Variants in MAPK10 observed in about 807,000 individuals in gnomAD.
MAPK10 encodes JNK3 alpha protein kinase.
Under a neutral mutation model 59.3 loss-of-function variants are expected in MAPK10, and 25 were observed. That is an observed-to-expected ratio of 0.42 (90% CI 0.31 to 0.59). MAPK10 has a LOEUF of 0.59. MAPK10 is among the 20% of genes least tolerant of loss of function. MAPK10 has a pLI of 0.15. For synonymous variants in MAPK10, 190 were observed against 200.5 expected, an observed-to-expected ratio of 0.95 and a Z score of 0.44; for missense variants, 351 against 568.9, an observed-to-expected ratio of 0.62 and a Z score of 3.90.
chr4:86,052,540 A>G (rs1480799584), intron 11 of MAPK10, among the ~76,000 whole-genome samples: 1 of 151,218 alleles, frequency 6.6e-6, no homozygotes, highest in Non-Finnish European at 1.5e-5. Context: ...CTTAGGGGTC[A>G]TAGGAAAGCT....
At chr4:86,035,124 A>T (rs1418199478) in intron 11 of MAPK10, among the ~76,000 whole-genome samples, 1 of 151,966 alleles carries the variant, frequency 6.6e-6, no homozygotes, top group African/African-American at 2.4e-5. Context: ...TAATCCCAGA[A>T]CTCTGGGAGG....
upstream of MAPK10, among the ~76,000 whole-genome samples, chr4:86,360,461 T>C (rs1478203960): frequency 6.6e-6 from 1 of 152,184 alleles, no homozygotes; most frequent in Admixed American, 6.6e-5. Flanking sequence ...TAAGAGATGG[T>C]AATAACCTCA....
chr4:86,569,909 C>T lies in MAPK10; in HGVS notation c.-263+24001G>A, dbSNP rs145130675. On this transcript the variant is annotated intron_variant, in intron 1 of 4. Coordinates refer to the MAPK10 transcript ENST00000502302. ...AAGCCCAGATTTCCCCACTACACAACATATCCATGTAACACAACTGTACTT... is the reference window on the plus strand; with the variant it reads ...AAGCCCAGATTTCCCCACTACACAATATATCCATGTAACACAACTGTACTT... Among the ~76,000 whole-genome samples, 900 of 152,160 alleles carry T rather than the reference C, an allele frequency of 5.9e-3. 7 individuals are homozygous for T. Among genetic ancestry groups the T allele is most frequent in the African/African-American group, 0.019 (805 of 41,522 alleles).
chr4:86,347,452 C>G (rs905611158), intron 2 of MAPK10, among the ~76,000 whole-genome samples: 5 of 152,142 alleles, frequency 3.3e-5, no homozygotes, highest in Non-Finnish European at 5.9e-5. Context: ...TACTTGGGAA[C>G]TCTCAAACAG....
At chr4:86,089,899 T>C (rs1184837128) in intron 9 of MAPK10, among the ~76,000 whole-genome samples, 1 of 152,158 alleles carries the variant, frequency 6.6e-6, no homozygotes, top group Non-Finnish European at 1.5e-5. Flanking sequence ...CACAGTTGCC[T>C]TATAATGATA....
At chr4:86,565,787 T>C (rs1201169269) in intron 1 of MAPK10, among the ~76,000 whole-genome samples, 2 of 152,190 alleles carry the variant, frequency 1.3e-5, no homozygotes, top group Admixed American at 6.6e-5. Context: ...TGCAGTAAAC[T>C]ATCAAACTCC....
intron 2 of MAPK10, among the ~76,000 whole-genome samples, chr4:86,335,895 C>T (rs1264052324): frequency 6.6e-6 from 1 of 152,154 alleles, no homozygotes; most frequent in Non-Finnish European, 1.5e-5. Context: ...AATCACCTCC[C>T]TCCCTTGACA....
chr4:86,452,525 A>G (rs1483060107), intron 1 of MAPK10, among the ~76,000 whole-genome samples: 1 of 152,034 alleles, frequency 6.6e-6, no homozygotes, highest in Non-Finnish European at 1.5e-5. Context: ...GCGCACGCAC[A>G]CACACACACA....
intron 2 of MAPK10, chr4:86,277,314 C>T (rs942225111): frequency 6.6e-6 from 1 of 152,012 alleles, no homozygotes; most frequent in African/African-American, 2.4e-5. Flanking sequence ...CTCCTACTTC[C>T]CTATTACCCA....
At chr4:86,464,290 C>T (rs935720995) in intron 1 of MAPK10, among the ~76,000 whole-genome samples, 2 of 152,142 alleles carry the variant, frequency 1.3e-5, no homozygotes, top group African/African-American at 4.8e-5. Flanking sequence ...ACAGATGGGT[C>T]TAGTAATGGT....
chr4:86,221,615 T>C (rs866557642), intron 2 of MAPK10, among the ~76,000 whole-genome samples: 3 of 152,098 alleles, frequency 2.0e-5, no homozygotes, highest in African/African-American at 7.2e-5. Flanking sequence ...GCCTCCTTAG[T>C]GGCTGGGACT....
chr4:86,322,767 A>T (rs1204593928), intron 2 of MAPK10, among the ~76,000 whole-genome samples: 1 of 152,240 alleles, frequency 6.6e-6, no homozygotes, highest in East Asian at 1.9e-4. Flanking sequence ...TGGGGTTTTT[A>T]AAGCTAATAA....
Position 86,017,139 on chromosome 4 carries a change from G to A in MAPK10, c.*89C>T, listed in dbSNP as rs1937775003. The A allele has an allele frequency of 1.5e-6, 2 of 1,353,410 alleles. No homozygotes were observed. Among genetic ancestry groups the A allele is most frequent in the Non-Finnish European group, 2.0e-6 (2 of 977,828 alleles). 83.8% of individuals were successfully genotyped at this position (1,353,410 alleles called of 1,614,324 possible). ...GCTGTTTTCTTGATGTTGTGTGTCTGCATTTGTGTGTGTGTGTGTGTCTGC... is the reference window on the plus strand; with the variant it reads ...GCTGTTTTCTTGATGTTGTGTGTCTACATTTGTGTGTGTGTGTGTGTCTGC... On this transcript the variant is annotated 3_prime_UTR_variant, in exon 14 of 14. Transcript: ENST00000641462. The surrounding 1 kb of genome is among the most constrained non-coding windows in gnomAD (Gnocchi z 4.4).
At chr4:86,440,886 T>C (rs1306100360) in intron 1 of MAPK10, among the ~76,000 whole-genome samples, 9 of 152,182 alleles carry the variant, frequency 5.9e-5, no homozygotes, top group African/African-American at 2.2e-4. Context: ...AATATAATAA[T>C]TGATGTTTTT....
chr4:86,250,372 C>G (rs2093349180), intron 2 of MAPK10, among the ~76,000 whole-genome samples: 1 of 152,142 alleles, frequency 6.6e-6, no homozygotes, highest in Admixed American at 6.6e-5. Flanking sequence ...ACATCCCAGA[C>G]AGACTTACTC....
intron 2 of MAPK10, among the ~76,000 whole-genome samples, chr4:86,291,393 C>T (rs1216468205): frequency 6.6e-6 from 1 of 152,172 alleles, no homozygotes; most frequent in Non-Finnish European, 1.5e-5. Flanking sequence ...TGCTACACAT[C>T]ACATCAGCCT....
chr4:86,366,146 G>A (rs1025907595), intron 1 of MAPK10, among the ~76,000 whole-genome samples: 1 of 152,058 alleles, frequency 6.6e-6, no homozygotes, highest in Non-Finnish European at 1.5e-5. Context: ...ACAAAAAAGA[G>A]TATATACTAT....
intron 4 of MAPK10, among the ~76,000 whole-genome samples, chr4:86,158,715 T>C (rs907317928): frequency 4.6e-5 from 7 of 151,842 alleles, no homozygotes; most frequent in African/African-American, 1.7e-4. Context: ...CTTAGGTAAA[T>C]CAGATCTAGA....
intron 1 of MAPK10, among the ~76,000 whole-genome samples, chr4:86,395,126 C>A (rs1450936066): frequency 6.6e-6 from 1 of 152,050 alleles, no homozygotes; most frequent in Non-Finnish European, 1.5e-5. Flanking sequence ...TATTTGGGGC[C>A]AAAGGGTACT....
Sources: gnomAD v4.1 joint callset for allele counts (sites outside exome capture counted in the v4.1 genomes callset) on GRCh38, gnomAD v4.1.1 for gene constraint, Gnocchi (gnomAD v3.1) non-coding constraint, MANE v1.5 for transcripts, NCBI Gene and HGNC (gene_info 2026-07-23, HGNC 2026-07-21) for gene names.